MUC4: variants seen among roughly 807,000 people sequenced by gnomAD.
The protein encoded by MUC4 is mucin 4, cell surface associated.
MUC4 carries 202 observed loss-of-function variants against 257.9 expected under a neutral mutation model. That is an observed-to-expected ratio of 0.78 (90% CI 0.70 to 0.88). MUC4 has a LOEUF of 0.88. Ranked by LOEUF, MUC4 falls within the 40% of genes least tolerant of loss-of-function variation. MUC4 has a pLI of 0.00. For synonymous variants in MUC4, 2,351 were observed against 2,757.1 expected, an observed-to-expected ratio of 0.85 and a Z score of 4.62; for missense variants, 5,976 against 6,513.7, an observed-to-expected ratio of 0.92 and a Z score of 2.84.
chr3:195,779,138 T>C lies in MUC4; in HGVS notation c.12442A>G (p.Thr4148Ala), dbSNP rs1260635737. The C allele has an allele frequency of 7.1e-7, 1 of 1,408,540 alleles. No individual in the cohort carries two copies. Among genetic ancestry groups the C allele is most frequent in the Non-Finnish European group, 9.5e-7 (1 of 1,054,364 alleles). 87.3% of individuals were successfully genotyped at this position (1,408,540 alleles called of 1,614,324 possible). Residue 4148 changes from threonine to alanine, a missense_variant, in exon 2 of 25, where the codon ACC (threonine) becomes GCC (alanine). Thr to Ala is a moderately conservative substitution (Grantham distance 58). Transcript: ENST00000463781. ...CCTGAGGATGCTGAGGAAGGGATGG[T>C]GACAGGAAGAGGCGTGGTGTCACCT... ...STGDTTPLPV[T>A]IPSSASSGHT...
chr3:195,756,492 A>G (rs1309402703), intron 18 of MUC4, among the ~76,000 whole-genome samples: 5 of 152,006 alleles, frequency 3.3e-5, no homozygotes, highest in African/African-American at 1.2e-4. Flanking sequence ...ATAAGCAATA[A>G]AGTAAGGTTC....
intron 18 of MUC4, 110 bp from the exon 19 acceptor site, chr3:195,754,482 T>C: frequency 7.4e-7 from 1 of 1,355,822 alleles, no homozygotes; most frequent in Non-Finnish European, 9.9e-7. Context: ...CTGAGTCATG[T>C]CTCAGCCCCA....
At position 195,769,035 on chromosome 3, in the gene MUC4, T is replaced by C; in HGVS notation, c.13516A>G (p.Met4506Val). 6.2e-7 allele frequency: 1 copy of C among 1,613,566 alleles called. No homozygotes were observed. Among genetic ancestry groups the C allele is most frequent in the Non-Finnish European group, 8.5e-7 (1 of 1,179,590 alleles). ...CTCCCATCCTACCTAGAGAAGCCCATGAGCACCGGGTTGCCTGAGCGCTGG... is the reference window on the plus strand; with the variant it reads ...CTCCCATCCTACCTAGAGAAGCCCACGAGCACCGGGTTGCCTGAGCGCTGG... ...VAQRSGNPVL[M>V]GFSSGDGYFE... The change falls in exon 7 of 25, where the codon ATG becomes GTG. Residue 4506 changes from methionine (M) to valine (V), a missense_variant. Physicochemically the swap from Met to Val is conservative, Grantham distance 21. This residue lies in a region of MUC4 where 996 missense variants were observed against 1,137.3 expected (regional missense o/e 0.88). Coordinates refer to ENST00000463781, the MANE Select transcript of MUC4 (RefSeq NM_018406.7).
In MUC4 at chr3:195,789,069, G is replaced by C. The variant is rs2149036627; in HGVS notation, c.2511C>G (p.Asp837Glu). The change falls in exon 2 of 25, where the codon GAC becomes GAG. Residue 837 changes from aspartate (D) to glutamate (E), a missense_variant. Around this residue, in one of 44 missense-constraint regions of MUC4, gnomAD observed 1,583 missense variants for 1,257.4 expected, o/e 1.26. Coordinates refer to ENST00000463781, the MANE Select transcript of MUC4 (RefSeq NM_018406.7). Reference protein sequence around the residue: ...TTRFSSNPSRDSHTTQSTTEL... With the variant: ...TTRFSSNPSRESHTTQSTTEL... Reference sequence around the variant, plus strand: ...CGGTTGTTGACTGGGTTGTGTGACTGTCCCTGGAGGGGTTTGATGAAAACC... The same window carrying C: ...CGGTTGTTGACTGGGTTGTGTGACTCTCCCTGGAGGGGTTTGATGAAAACC... The C allele has an allele frequency of 1.2e-6, 2 of 1,613,466 alleles. No individual in the cohort carries two copies. The highest frequency in any genetic ancestry group is 2.2e-5 in the East Asian group (1 of 44,866).
chr3:195,752,603 ACAGAAGG>A (rs1716681056), intron 20 of MUC4, 157 bp from the exon 21 acceptor site: 2 of 635,902 alleles, frequency 3.1e-6, no homozygotes, highest in Non-Finnish European at 5.7e-6. Flanking sequence ...TTCCACAGTG[ACAGAAGG>A]TCGCTGAAGA....
At chr3:195,767,832 TCACCAC>T (rs1168127717) in intron 7 of MUC4, among the ~76,000 whole-genome samples, 52 of 49,254 alleles carry the variant, frequency 1.1e-3, no homozygotes, top group Non-Finnish European at 1.9e-3. Context: ...ACCACCACCA[TCACCAC>T]CACCACCATC....
Position 195,778,365 on chromosome 3 carries a change from A to C in MUC4, c.12881T>G (p.Ile4294Ser). 1 of 1,613,000 alleles carries C rather than the reference A, an allele frequency of 6.2e-7. No individual in the cohort carries two copies. The highest frequency in any genetic ancestry group is 8.5e-7 in the Non-Finnish European group (1 of 1,179,846). ...GCGGGTGTGCATGGCAGTGCTGGGAATGGTGGAAATGATGGTCTGGGAGGT... is the reference window on the plus strand; with the variant it reads ...GCGGGTGTGCATGGCAGTGCTGGGACTGGTGGAAATGATGGTCTGGGAGGT... ...PTTSQTIIST[I>S]PSTAMHTRST... The change falls in exon 3 of 25, where the codon ATT becomes AGT. Residue 4294 changes from isoleucine (I) to serine (S), a missense_variant. Coordinates refer to ENST00000463781, the MANE Select transcript of MUC4 (RefSeq NM_018406.7).
chr3:195,793,545 G>A (rs1050471873), intron 1 of MUC4, among the ~76,000 whole-genome samples: 2 of 151,988 alleles, frequency 1.3e-5, no homozygotes, highest in African/African-American at 4.8e-5. Context: ...GAGAGAGATG[G>A]GGGTGCAGGA....
chr3:195,769,354 T>A, intron 6 of MUC4: 1 of 634,764 alleles, frequency 1.6e-6, no homozygotes, highest in Non-Finnish European at 2.6e-6. Flanking sequence ...CGAACGCACT[T>A]ACCACGGTGG....
chr3:195,749,509 A>G (rs7616592), intron 23 of MUC4, among the ~76,000 whole-genome samples: 5,724 of 148,806 alleles, frequency 0.038, 1 homozygote, highest in Middle Eastern at 0.078. Context: ...GGAAATGATC[A>G]TAATAGCACT....
chr3:195,782,875 A>T lies in MUC4; in HGVS notation c.8705T>A (p.Leu2902His), dbSNP rs528641908. The T allele has an allele frequency of 1.3e-5, 17 of 1,280,540 alleles. No individual in the cohort carries two copies. The highest frequency in any genetic ancestry group is 1.3e-4 in the South Asian group (10 of 76,120). The allele number at this position is 1,280,540 out of a possible 1,614,324, so 79.3% of individuals were successfully genotyped here. A position where few individuals can be genotyped will look rare whatever the true frequency, so the allele number is the denominator to read the frequency against. Residue 2902 changes from leucine (L) to histidine (H), a missense_variant, in exon 2 of 25, where the codon CTT becomes CAT. Around this residue, in one of 44 missense-constraint regions of MUC4, gnomAD observed 228 missense variants for 206.3 expected, o/e 1.11. Transcript: ENST00000463781. ...GHATPLPLTS[L>H]SSVSTGDTTP... ...GGTGTCACCTGTGGATACTGAGGAA[A>T]GGCTGGTGAGAGGAAGAGGGGTAGC...
intron 6 of MUC4, among the ~76,000 whole-genome samples, chr3:195,769,840 G>A (rs954400412): frequency 6.6e-6 from 1 of 152,330 alleles, no homozygotes; most frequent in African/African-American, 2.4e-5. Context: ...GACTCTGAAC[G>A]AGTTACTTAA....
At chr3:195,807,524 G>A (rs543165223) in intron 1 of MUC4, among the ~76,000 whole-genome samples, 10 of 152,108 alleles carry the variant, frequency 6.6e-5, no homozygotes, top group Non-Finnish European at 1.3e-4. Context: ...TAAAAAAACC[G>A]TCTATGAAGA....
In MUC4 at chr3:195,767,666, T is replaced by TTGCCAC. The variant is rs1560263153; in HGVS notation, c.13530-916_13530-915insGTGGCA. ...ATCGCCACCACCACCACCACCACCA[T>TTGCCAC]CACCATCACCACCATCACTGGCCAC... On this transcript the variant is annotated intron_variant, in intron 7 of 24. Transcript: ENST00000463781. 3.7e-4 allele frequency among the ~76,000 whole-genome samples: 7 copies of TTGCCAC among 18,942 alleles called. 1 individual carries two copies. Among genetic ancestry groups the TTGCCAC allele is most frequent in the African/African-American group, 2.7e-3 (6 of 2,192 alleles). 12.4% of individuals were successfully genotyped at this position (18,942 alleles called of 152,430 possible). A position where few individuals can be genotyped will look rare whatever the true frequency, so the allele number is the denominator to read the frequency against.
chr3:195,772,110 T>A (rs1274544484), intron 4 of MUC4, among the ~76,000 whole-genome samples: 1 of 152,124 alleles, frequency 6.6e-6, no homozygotes, highest in African/African-American at 2.4e-5. Flanking sequence ...TCTTGGCCAG[T>A]CCCCTGGGCC....
chr3:195,790,025 CTG>C lies in MUC4; in HGVS notation c.1553_1554del (p.Thr518ArgfsTer17). ...TSTGAATRLV[T>X]GNPSTGTAGT... ...CCAGCTGTCCCTGTAGATGGATTTCCTGTGACAAGCCTAGTGGCAGCACCTGT... is the reference window on the plus strand; with the variant it reads ...CCAGCTGTCCCTGTAGATGGATTTCCTGACAAGCCTAGTGGCAGCACCTGT... On this transcript the variant is annotated frameshift_variant, in exon 2 of 25. Transcript: ENST00000463781. LOFTEE classifies it high-confidence loss of function. The C allele has an allele frequency of 1.2e-6, 2 of 1,614,008 alleles. No individual in the cohort carries two copies. The highest frequency in any genetic ancestry group is 1.7e-6 in the Non-Finnish European group (2 of 1,179,886).
chr3:195,759,009 TGAAA>T (rs1348728106), intron 17 of MUC4, 111 bp downstream of exon 17: 1 of 1,362,924 alleles, frequency 7.3e-7, no homozygotes, highest in African/African-American at 1.4e-5. Flanking sequence ...GATATTCAAA[TGAAA>T]GAGTGACAGC....
rs542475778 is a variant in MUC4 at position 195,781,291 on chromosome 3, G to C, written c.10289C>G (p.Thr3430Ser). 6 of 1,420,450 alleles carry C rather than the reference G, an allele frequency of 4.2e-6. 1 individual carries two copies. The highest frequency in any genetic ancestry group is 5.1e-5 in the East Asian group (2 of 39,466). 88.0% of individuals were successfully genotyped at this position (1,420,450 alleles called of 1,614,324 possible). Residue 3430 changes from threonine to serine, a missense_variant, in exon 2 of 25, where the codon ACT becomes AGT. By Grantham distance (58) the Thr-to-Ser change is moderately conservative. Around this residue, in one of 44 missense-constraint regions of MUC4, gnomAD observed 297 missense variants for 240.9 expected, o/e 1.23. Transcript: ENST00000463781. ...GGCGTGACCGGTGGATGCTGAGGAAGTGCTGGTGACAGGAAGAGGGGTGGC... is the reference window on the plus strand; with the variant it reads ...GGCGTGACCGGTGGATGCTGAGGAACTGCTGGTGACAGGAAGAGGGGTGGC... ...GHATPLPVTS[T>S]SSASTGHATP...
intron 1 of MUC4, among the ~76,000 whole-genome samples, chr3:195,804,893 T>G (rs2149075939): frequency 6.6e-6 from 1 of 152,330 alleles, no homozygotes; most frequent in African/African-American, 2.4e-5. Flanking sequence ...AGACACTAAC[T>G]CAAGATACCC....
Sources: allele counts gnomAD v4.1 joint callset (sites outside exome capture counted in the v4.1 genomes callset), GRCh38; gene constraint gnomAD v4.1.1; regional missense constraint gnomAD v4.1.1; transcripts MANE v1.5; gene names NCBI Gene and HGNC (gene_info 2026-07-23, HGNC 2026-07-21).